The following SMIM31 variants were observed in gnomAD, a reference collection of about 807,000 sequenced individuals.
SMIM31 encodes the protein human epithelial cell program regulator.
chr4:164,780,254 C>T (rs998094691), intron 2 of SMIM31, among the ~76,000 whole-genome samples: 8 of 152,258 alleles, frequency 5.3e-5, no homozygotes, highest in Admixed American at 3.3e-4. Context: ...GGTGAAACCC[C>T]GTCTCTACTA....
chr4:164,766,851 A>G (rs1005425848), intron 1 of SMIM31, among the ~76,000 whole-genome samples: 11 of 152,162 alleles, frequency 7.2e-5, no homozygotes, highest in Non-Finnish European at 1.3e-4. Flanking sequence ...TGAAAATAAA[A>G]CTGCTGAGAA....
chr4:164,764,596 A>G (rs1031193357), intron 1 of SMIM31, among the ~76,000 whole-genome samples: 1 of 151,976 alleles, frequency 6.6e-6, no homozygotes, highest in Non-Finnish European at 1.5e-5. Flanking sequence ...ATAGAAAAAA[A>G]TGTGGTGGGT....
intron 1 of SMIM31, among the ~76,000 whole-genome samples, chr4:164,755,054 T>C (rs1183385340): frequency 1.4e-5 from 2 of 145,258 alleles, no homozygotes; most frequent in Non-Finnish European, 3.0e-5. Context: ...TTTAACTACA[T>C]CCCTTAAAAA....
At chr4:164,799,445 T>A (rs1454468088) in intron 2 of SMIM31, among the ~76,000 whole-genome samples, 2 of 133,248 alleles carry the variant, frequency 1.5e-5, no homozygotes, top group Non-Finnish European at 3.5e-5. Flanking sequence ...GTCTGAGGGA[T>A]TTTTTTTTAA....
At chr4:164,796,179 G>A (rs901841773) in intron 2 of SMIM31, among the ~76,000 whole-genome samples, 1 of 152,146 alleles carries the variant, frequency 6.6e-6, no homozygotes, top group Non-Finnish European at 1.5e-5. Flanking sequence ...TGGCCGGGTG[G>A]TGTTCAAACC....
intron 2 of SMIM31, among the ~76,000 whole-genome samples, chr4:164,780,773 T>G (rs1476999042): frequency 6.6e-6 from 1 of 152,232 alleles, no homozygotes; most frequent in Non-Finnish European, 1.5e-5. Context: ...TACACATCTA[T>G]TAGAATGACT....
chr4:164,798,769 T>A (rs1733244712), intron 2 of SMIM31, among the ~76,000 whole-genome samples: 1 of 152,170 alleles, frequency 6.6e-6, no homozygotes, highest in Admixed American at 6.5e-5. Flanking sequence ...CATGTTGAAT[T>A]GTAATCCCCG....
At position 164,785,652 on chromosome 4, in the gene SMIM31, A is replaced by G. The variant is rs147423165; in HGVS notation, c.112+15097A>G. Among the ~76,000 whole-genome samples the G allele has an allele frequency of 0.011, 1,617 of 149,342 alleles. 73 individuals carry two copies. In the East Asian group the frequency reaches 0.17, roughly 15 times the overall value. On this transcript the variant is annotated intron_variant, in intron 2 of 2. Coordinates refer to ENST00000507311, the MANE Select transcript of SMIM31 (RefSeq NM_001352885.1). ...TTAAACTTATTGTGTGTGTGTGTGT[A>G]TATATATATATATATCTTTAACCTT...
chr4:164,775,870 A>G (rs569701029), intron 2 of SMIM31, among the ~76,000 whole-genome samples: 23 of 152,250 alleles, frequency 1.5e-4, no homozygotes, highest in African/African-American at 4.3e-4. Flanking sequence ...ACATTTACCC[A>G]TGTGTGTGCA....
chr4:164,778,863 C>G (rs1732911329), intron 2 of SMIM31, among the ~76,000 whole-genome samples: 1 of 152,032 alleles, frequency 6.6e-6, no homozygotes, highest in Admixed American at 6.6e-5. Context: ...TTCAGGTATC[C>G]TTGAACAAAC....
intron 2 of SMIM31, among the ~76,000 whole-genome samples, chr4:164,772,632 G>A (rs1429345015): frequency 2.0e-5 from 3 of 149,586 alleles, no homozygotes; most frequent in East Asian, 2.0e-4. Context: ...AGGCTGGAGT[G>A]CAGTGGCGCG....
At chr4:164,786,792 A>C (rs1030718665) in intron 2 of SMIM31, among the ~76,000 whole-genome samples, 1 of 152,238 alleles carries the variant, frequency 6.6e-6, no homozygotes, top group Non-Finnish European at 1.5e-5. Flanking sequence ...GACACTTTAC[A>C]TTGGGTCAAA....
intron 1 of SMIM31, among the ~76,000 whole-genome samples, chr4:164,764,533 C>T (rs190514516): frequency 6.7e-6 from 1 of 148,782 alleles, no homozygotes; most frequent in East Asian, 2.0e-4. Context: ...CGCCACTGCA[C>T]TACAGCCTGG....
intron 2 of SMIM31, among the ~76,000 whole-genome samples, chr4:164,788,682 T>A (rs1008845988): frequency 6.6e-6 from 1 of 151,084 alleles, no homozygotes; most frequent in Non-Finnish European, 1.5e-5. Context: ...AGAGACAGGG[T>A]TTCTCCATGT....
At chr4:164,761,306 T>C (rs961498481) in intron 1 of SMIM31, among the ~76,000 whole-genome samples, 1 of 152,250 alleles carries the variant, frequency 6.6e-6, no homozygotes, top group Admixed American at 6.5e-5. Flanking sequence ...ACAATTTTCT[T>C]GAATTGATTT....
Position 164,770,426 on chromosome 4 carries a change from A to T in SMIM31, c.-18A>T. ...GTTTTATTCCTATTGTAGGTGAAGA[A>T]GTTTTCGGTGGTGGTTCATGGAGCT... On this transcript the variant is annotated 5_prime_UTR_variant, in exon 2 of 3. In the 5' UTR this introduces an upstream ATG that the reference lacks. Transcript: ENST00000507311. The T allele has an allele frequency of 7.5e-6, 3 of 398,966 alleles. No homozygotes were observed. 24.7% of individuals were successfully genotyped at this position (398,966 alleles called of 1,614,324 possible).
At chr4:164,756,444 C>CTAGT in intron 1 of SMIM31, among the ~76,000 whole-genome samples, 2 of 151,500 alleles carry the variant, frequency 1.3e-5, no homozygotes, top group East Asian at 3.9e-4. Context: ...TGGTGGTGGG[C>CTAGT]GCCTGTAGTT....
At chr4:164,767,483 T>C (rs1324437322) in intron 1 of SMIM31, among the ~76,000 whole-genome samples, 1 of 152,100 alleles carries the variant, frequency 6.6e-6, no homozygotes, top group African/African-American at 2.4e-5. Flanking sequence ...AGAGAAGCTG[T>C]GGGGAACAAG....
In SMIM31 at chr4:164,803,541, T is replaced by A. The variant is rs1733314864; in HGVS notation, c.*2347T>A. On this transcript the variant is annotated 3_prime_UTR_variant, in exon 3 of 3. Transcript: ENST00000507311. ...TGAGCGTGGTGGCTCACGTCTGAAA[T>A]CCCAGCACTTTGTGAAGCCGAGGTG... The A allele has an allele frequency of 6.6e-6, 1 of 152,240 alleles. No homozygotes were observed. Among genetic ancestry groups the A allele is most frequent in the African/African-American group, 2.4e-5 (1 of 41,448 alleles). The allele number at this position is 152,240 out of a possible 1,614,324, so 9.4% of individuals were successfully genotyped here. A position where few individuals can be genotyped will look rare whatever the true frequency, so the allele number is the denominator to read the frequency against.
Sources: allele counts gnomAD v4.1 joint callset (sites outside exome capture counted in the v4.1 genomes callset), GRCh38; gene constraint gnomAD v4.1.1; transcripts MANE v1.5; gene names NCBI Gene and HGNC (gene_info 2026-07-23, HGNC 2026-07-21).